Variants in SORL1 observed in about 807,000 individuals in gnomAD.
The protein encoded by SORL1 is sortilin related receptor 1.
A neutral mutation model predicts 273.7 loss-of-function variants in SORL1; 127 were observed. That is an observed-to-expected ratio of 0.46 (90% confidence interval 0.40 to 0.54). SORL1 has a LOEUF of 0.54. Ranked by LOEUF, SORL1 falls within the 20% of genes least tolerant of loss-of-function variation. The pLI is 0.00. For synonymous variants in SORL1, 1,031 were observed against 1,067.4 expected, an observed-to-expected ratio of 0.97 and a Z score of 0.66; for missense variants, 2,494 against 2,846.1, an observed-to-expected ratio of 0.88 and a Z score of 2.81.
At chr11:121,498,251 C>T (rs902807924) in intron 6 of SORL1, among the ~76,000 whole-genome samples, 1 of 152,200 alleles carries the variant, frequency 6.6e-6, no homozygotes, top group Non-Finnish European at 1.5e-5. Flanking sequence ...ACATAAGCAT[C>T]CTCGAATGGC....
intron 14 of SORL1, among the ~76,000 whole-genome samples, chr11:121,548,747 A>G (rs1039568860): frequency 1.3e-5 from 2 of 151,904 alleles, no homozygotes; most frequent in Non-Finnish European, 2.9e-5. Context: ...TTGTATTTTT[A>G]GTAGAGACGG....
intron 25 of SORL1, among the ~76,000 whole-genome samples, chr11:121,580,632 T>C (rs1862999867): frequency 7.9e-6 from 1 of 127,378 alleles, no homozygotes; most frequent in African/African-American, 3.1e-5. Flanking sequence ...TGAGACAGGG[T>C]TTTGTCTTGT....
At chr11:121,475,697 G>T (rs1298097710) in intron 2 of SORL1, among the ~76,000 whole-genome samples, 1 of 152,198 alleles carries the variant, frequency 6.6e-6, no homozygotes, top group Non-Finnish European at 1.5e-5. Context: ...TAACTTGTTG[G>T]AGTAGAGAGA....
chr11:121,574,193 G>A, intron 23 of SORL1, 48 bp from the exon 24 acceptor site: 1 of 1,589,602 alleles, frequency 6.3e-7, no homozygotes, highest in South Asian at 1.1e-5. Context: ...ACATTTGTGG[G>A]AAATCAATTG....
At chr11:121,456,732 A>G (rs1380108144) in intron 1 of SORL1, among the ~76,000 whole-genome samples, 1 of 152,142 alleles carries the variant, frequency 6.6e-6, no homozygotes, top group East Asian at 1.9e-4. Context: ...TTACAGGTTT[A>G]TTTTCCTTCC....
At chr11:121,457,986 C>T (rs756839702) in intron 1 of SORL1, among the ~76,000 whole-genome samples, 2 of 152,186 alleles carry the variant, frequency 1.3e-5, no homozygotes, top group Non-Finnish European at 2.9e-5. Context: ...GTCTGTTCCT[C>T]CTTAGAGATG....
Position 121,545,368 on chromosome 11 carries a change from G to A in SORL1, c.1990G>A (p.Glu664Lys), listed in dbSNP as rs1287405814. 6.2e-7 allele frequency: 1 copy of A among 1,614,192 alleles called. No individual in the cohort carries two copies. The highest frequency in any genetic ancestry group is 8.5e-7 in the Non-Finnish European group (1 of 1,180,028). The stretch of plus-strand genomic sequence containing the variant: ...CCCCCATGCCACATGCTTCAATGGA[G>A]AGGACTTTGACAGGCCGGTGGTCGT... The part of the protein sequence containing the change: ...RTPHATCFNG[E>K]DFDRPVVVSN... Residue 664 changes from glutamate to lysine, a missense_variant, in exon 14 of 48, where the codon GAG (glutamate) becomes AAG (lysine). Transcript: ENST00000260197.
At chr11:121,544,268 A>G (rs1205523520) in intron 13 of SORL1, among the ~76,000 whole-genome samples, 1 of 152,064 alleles carries the variant, frequency 6.6e-6, no homozygotes, top group Non-Finnish European at 1.5e-5. Context: ...AGCTGCCCGG[A>G]GTGCCCTGTT....
At chr11:121,621,435 G>A (rs1241355019) in intron 44 of SORL1, among the ~76,000 whole-genome samples, 197 bp downstream of exon 44, 1 of 152,218 alleles carries the variant, frequency 6.6e-6, no homozygotes, top group Non-Finnish European at 1.5e-5. Flanking sequence ...GGGCACAGTG[G>A]GCTGGGGAGT....
At chr11:121,545,165 C>G in intron 13 of SORL1, 78 bp from the exon 14 acceptor site, 1 of 1,379,036 alleles carries the variant, frequency 7.3e-7, no homozygotes. Flanking sequence ...GGGGTTGAGG[C>G]CAGGCACCTT....
intron 44 of SORL1, 35 bp downstream of exon 44, chr11:121,621,273 A>AGCCT (rs1213091155): frequency 6.3e-7 from 1 of 1,590,760 alleles, no homozygotes; most frequent in Admixed American, 1.7e-5. Flanking sequence ...CTTCTCACAC[A>AGCCT]GCCTGCCCTC....
intron 11 of SORL1, among the ~76,000 whole-genome samples, chr11:121,531,748 G>C (rs781760501): frequency 4.6e-5 from 7 of 152,208 alleles, no homozygotes; most frequent in Non-Finnish European, 1.5e-5. Context: ...GCTGCGACTT[G>C]CGTAAGTTCA....
chr11:121,495,654 A>G (rs531940312), intron 5 of SORL1, among the ~76,000 whole-genome samples: 1 of 152,044 alleles, frequency 6.6e-6, no homozygotes, highest in Non-Finnish European at 1.5e-5. Flanking sequence ...AATGGTTCCC[A>G]TGGCCTTGGT....
At chr11:121,602,378 C>T (rs1388720996) in intron 32 of SORL1, among the ~76,000 whole-genome samples, 2 of 152,162 alleles carry the variant, frequency 1.3e-5, no homozygotes, top group African/African-American at 2.4e-5. Context: ...CCTAGAGACT[C>T]GTGCAAAGAA....
chr11:121,490,228 A>G (rs1188745917), intron 5 of SORL1, 118 bp downstream of exon 5: 2 of 696,748 alleles, frequency 2.9e-6, no homozygotes, highest in Non-Finnish European at 5.1e-6. Flanking sequence ...CAGGAAATAC[A>G]TTTTTCCAGA....
At chr11:121,561,182 G>T (rs993509263) in intron 21 of SORL1, among the ~76,000 whole-genome samples, 2 of 152,210 alleles carry the variant, frequency 1.3e-5, no homozygotes, top group African/African-American at 4.8e-5. Context: ...GTATGCATGT[G>T]CTTGTTTGAT....
intron 1 of SORL1, among the ~76,000 whole-genome samples, chr11:121,464,137 T>C (rs1861046961): frequency 6.6e-6 from 1 of 152,230 alleles, no homozygotes; most frequent in Non-Finnish European, 1.5e-5. Flanking sequence ...GTCCTCCTTG[T>C]ACTGCGTTTT....
chr11:121,542,232 T>G (rs1251176135), intron 12 of SORL1, among the ~76,000 whole-genome samples: 1 of 152,216 alleles, frequency 6.6e-6, no homozygotes, highest in Non-Finnish European at 1.5e-5. Context: ...AAAATTAACA[T>G]GAACTCGGTA....
intron 45 of SORL1, among the ~76,000 whole-genome samples, chr11:121,622,616 C>T (rs761933828): frequency 6.6e-6 from 1 of 152,240 alleles, no homozygotes; most frequent in African/African-American, 2.4e-5. Flanking sequence ...CTATTCCACA[C>T]TCGCTGAGGG....
Sources: allele counts gnomAD v4.1 joint callset (sites outside exome capture counted in the v4.1 genomes callset), GRCh38; gene constraint gnomAD v4.1.1; transcripts MANE v1.5; gene names NCBI Gene and HGNC (gene_info 2026-07-23, HGNC 2026-07-21).